Variants in LGALS1 observed in about 807,000 individuals in gnomAD.
LGALS1 encodes galectin-1.
A neutral mutation model predicts 14.4 loss-of-function variants in LGALS1; 14 were observed. The observed-to-expected ratio is 0.97, with a 90% CI of 0.64 to 1.52. The LOEUF (loss-of-function observed/expected upper bound fraction) is 1.52. LGALS1 is among the 40% of genes most tolerant of loss of function. The pLI, the probability that LGALS1 is intolerant of heterozygous loss-of-function variation, is 0.00. For missense variants in LGALS1, 170 were observed against 181.4 expected, an observed-to-expected ratio of 0.94 and a Z score of 0.36; for synonymous variants, 71 against 73.4, an observed-to-expected ratio of 0.97 and a Z score of 0.17.
chr22:37,678,555 C>A lies in LGALS1; in HGVS notation c.162C>A (p.Gly54=), dbSNP rs11539854. 1 of 1,613,620 alleles carries A rather than the reference C, an allele frequency of 6.2e-7. No individual in the cohort carries two copies. The highest frequency in any genetic ancestry group is 8.5e-7 in the Non-Finnish European group (1 of 1,180,020). The change falls in exon 3 of 4, where the codon GGC becomes GGA. Residue 54 remains glycine, a synonymous_variant. Coordinates refer to ENST00000215909, the MANE Select transcript of LGALS1 (RefSeq NM_002305.4). ...TCAACCCTCGCTTCAACGCCCACGG[C>A]GACGCCAACACCATCGTGTGCAACA... is the stretch of plus-strand genomic sequence containing the variant. The part of the protein sequence containing the change: ...LHFNPRFNAH[G]DANTIVCNSK...
At chr22:37,678,867 T>C (rs1921533181) in intron 3 of LGALS1, among the ~76,000 whole-genome samples, 1 of 152,192 alleles carries the variant, frequency 6.6e-6, no homozygotes, top group South Asian at 2.1e-4. Flanking sequence ...TGGTGGCTCA[T>C]GCCTGTAATC....
In LGALS1 at chr22:37,675,651, A is replaced by G. The variant is rs1468422057; in HGVS notation, c.-52A>G. 6.5e-7 allele frequency: 1 copy of G among 1,546,766 alleles called. No homozygotes were observed. The highest frequency in any genetic ancestry group is 1.4e-5 in the African/African-American group (1 of 72,846). On this transcript the variant is annotated 5_prime_UTR_variant, in exon 1 of 4. Transcript: ENST00000215909. Reference sequence around the variant, plus strand: ...CCGGGGGCCCATCTCTCTCGGGTGGAGTCTTCTGACAGCTGGTGCGCCTGC... The same window carrying G: ...CCGGGGGCCCATCTCTCTCGGGTGGGGTCTTCTGACAGCTGGTGCGCCTGC...
At chr22:37,679,276 C>T (rs1486259460) in intron 3 of LGALS1, among the ~76,000 whole-genome samples, 2 of 149,332 alleles carry the variant, frequency 1.3e-5, no homozygotes, top group African/African-American at 4.9e-5. Flanking sequence ...TATATAAATA[C>T]AAAAATTAGC....
intron 2 of LGALS1, among the ~76,000 whole-genome samples, chr22:37,678,158 C>G (rs1223206087): frequency 2.6e-5 from 4 of 152,166 alleles, no homozygotes; most frequent in African/African-American, 9.7e-5. Flanking sequence ...CCCACTTGTG[C>G]TGGGCACCGG....
rs1164972557 is a variant in LGALS1, at chr22:37,677,032, G to C, written c.56G>C (p.Arg19Pro). ...AATCTCAAACCTGGAGAGTGCCTTC[G>C]AGTGCGAGGCGAGGTGGCTCCTGAC... ...NLNLKPGECLRVRGEVAPDAK... is the reference protein window; with the variant it reads ...NLNLKPGECLPVRGEVAPDAK... The change falls in exon 2 of 4, where the codon CGA becomes CCA. Residue 19 changes from arginine to proline, a missense_variant. Physicochemically the swap from Arg to Pro is moderately radical, Grantham distance 103. Transcript: ENST00000215909. The C allele has an allele frequency of 6.2e-7, 1 of 1,614,110 alleles. No homozygotes were observed. The highest frequency in any genetic ancestry group is 8.5e-7 in the Non-Finnish European group (1 of 1,180,016).
chr22:37,675,716 G>A lies in LGALS1; in HGVS notation c.9+5G>A, dbSNP rs1359608202. ...CTGGACTCAATCATGGCTTGTGTGA[G>A]TGTGGGGACCCCCCCCCAAGGTCCA... On this transcript the variant is annotated splice_donor_5th_base_variant and intron_variant, in intron 1 of 3. Coordinates refer to ENST00000215909, the MANE Select transcript of LGALS1 (RefSeq NM_002305.4). The A allele has an allele frequency of 1.9e-6, 3 of 1,540,068 alleles. No homozygotes were observed. The highest frequency in any genetic ancestry group is 4.0e-5 in the Admixed American group (2 of 49,900).
chr22:37,678,701 G>A, intron 3 of LGALS1, 47 bp downstream of exon 3: 2 of 1,398,548 alleles, frequency 1.4e-6, no homozygotes, highest in East Asian at 2.5e-5. Context: ...GGCTGGGTGG[G>A]CTGGGGCGGG....
At position 37,679,618 on chromosome 22, in the gene LGALS1, G is replaced by A. The variant is rs767282651; in HGVS notation, c.277G>A (p.Asp93Asn). Residue 93 changes from aspartate (D) to asparagine (N), a missense_variant, in exon 4 of 4, where the codon GAC becomes AAC. Physicochemically the swap from Asp to Asn is conservative, Grantham distance 23. Coordinates refer to ENST00000215909, the MANE Select transcript of LGALS1 (RefSeq NM_002305.4). The stretch of plus-strand genomic sequence containing the variant: ...CTACCCCCAGGTGTGCATCACCTTC[G>A]ACCAGGCCAACCTGACCGTCAAGCT... Reference protein sequence around the residue: ...GSVAEVCITFDQANLTVKLPD... With the variant: ...GSVAEVCITFNQANLTVKLPD... 2.1e-5 allele frequency: 33 copies of A among 1,606,160 alleles called. No homozygotes were observed. Among genetic ancestry groups the A allele is most frequent in the African/African-American group, 4.0e-5 (3 of 74,634 alleles).
chr22:37,677,088 T>C, intron 2 of LGALS1, 23 bp downstream of exon 2: 1 of 1,611,584 alleles, frequency 6.2e-7, no homozygotes, highest in South Asian at 1.1e-5. Flanking sequence ...GTCGGGGTGG[T>C]GGGCGGCAGG....
intron 1 of LGALS1, chr22:37,675,977 C>G (rs987003395): frequency 7.9e-6 from 3 of 380,080 alleles, no homozygotes; most frequent in African/African-American, 6.3e-5. Context: ...CATTCTGCAG[C>G]TCTCTGAGAA....
Position 37,677,313 on chromosome 22 carries a change from T to A in LGALS1, c.89+248T>A, listed in dbSNP as rs1463544445. 6.0e-6 allele frequency: 3 copies of A among 500,190 alleles called. No individual in the cohort carries two copies. In the Middle Eastern group the frequency reaches 1.6e-3, roughly 271 times the overall value. The allele number at this position is 500,190 out of a possible 1,614,324, so 31.0% of individuals were successfully genotyped here. ...CCAGCTGCAGCCTCGTCATCTGTAA[T>A]ACCTTGACTCCCCCGCCCCCACCCC... is the stretch of plus-strand genomic sequence containing the variant. On this transcript the variant is annotated intron_variant, in intron 2 of 3. Transcript: ENST00000215909.
intron 1 of LGALS1, 105 bp downstream of exon 1, chr22:37,675,816 C>T: frequency 4.6e-6 from 5 of 1,082,154 alleles, no homozygotes; most frequent in Middle Eastern, 2.3e-4. Context: ...AGCTGTGTGG[C>T]CTGGAACCAG....
rs73424844 is a variant in LGALS1, at chr22:37,678,470, C to A, written c.90-13C>A. 6.2e-7 allele frequency: 1 copy of A among 1,613,268 alleles called. No homozygotes were observed. Among genetic ancestry groups the A allele is most frequent in the African/African-American group, 1.3e-5 (1 of 75,048 alleles). ...TGGCCGAGGTGGCCTCATGCCCACCCGTTACCCCCCAGCTTCGTGCTGAAC... is the reference window on the plus strand; with the variant it reads ...TGGCCGAGGTGGCCTCATGCCCACCAGTTACCCCCCAGCTTCGTGCTGAAC... On this transcript the variant is annotated splice_polypyrimidine_tract_variant and intron_variant, in intron 2 of 3. Coordinates refer to ENST00000215909, the MANE Select transcript of LGALS1 (RefSeq NM_002305.4).
intron 3 of LGALS1, among the ~76,000 whole-genome samples, 174 bp from the exon 4 acceptor site, chr22:37,679,429 C>CA (rs201131232): frequency 0.024 from 2,418 of 99,294 alleles, 64 homozygotes; most frequent in East Asian, 0.16. Flanking sequence ...GACTCCATCT[C>CA]AAAAAAAAAA....
At chr22:37,676,225 CG>C (rs71195036) in intron 1 of LGALS1, 25,866 of 66,540 alleles carry the variant, frequency 0.39, 3,669 homozygotes, top group African/African-American at 0.53. Context: ...AGGCTGGTGG[CG>C]GGGGGGGCGG....
At chr22:37,679,533 C>A in intron 3 of LGALS1, 70 bp from the exon 4 acceptor site, 1 of 1,396,812 alleles carries the variant, frequency 7.2e-7, no homozygotes, top group Non-Finnish European at 9.5e-7. Context: ...GTGTCAGGGC[C>A]ACATGAGGAA....
At position 37,676,869 on chromosome 22, in the gene LGALS1, T is replaced by A. The variant is rs9622681; in HGVS notation, c.10-117T>A. 9.1e-5 allele frequency: 87 copies of A among 959,064 alleles called. No individual in the cohort carries two copies. In the African/African-American group the frequency reaches 1.3e-3, roughly 15 times the overall value. The allele number at this position is 959,064 out of a possible 1,614,324, so 59.4% of individuals were successfully genotyped here. ...TCCTTTCCCCAGGCTTCCCCTTGGC[T>A]TGGTCAGAGGATGCCGGGCGGGAAC... is the stretch of plus-strand genomic sequence containing the variant. On this transcript the variant is annotated intron_variant, in intron 1 of 3. Coordinates refer to ENST00000215909, the MANE Select transcript of LGALS1 (RefSeq NM_002305.4).
Position 37,675,683 on chromosome 22 carries a change from A to G in LGALS1, c.-20A>G. On this transcript the variant is annotated 5_prime_UTR_variant, in exon 1 of 4. Transcript: ENST00000215909. ...TGACAGCTGGTGCGCCTGCCCGGGA[A>G]CATCCTCCTGGACTCAATCATGGCT... 6.5e-7 allele frequency: 1 copy of G among 1,549,660 alleles called. No individual in the cohort carries two copies. Among genetic ancestry groups the G allele is most frequent in the East Asian group, 2.4e-5 (1 of 40,984 alleles).
At chr22:37,676,706 A>C (rs2145788457) in intron 1 of LGALS1, 1 of 483,338 alleles carries the variant, frequency 2.1e-6, no homozygotes, top group African/African-American at 2.0e-5. Context: ...TTGAGTCCAA[A>C]ATTCCCAAGC....
Sources: gnomAD v4.1 joint callset for allele counts (sites outside exome capture counted in the v4.1 genomes callset) on GRCh38, gnomAD v4.1.1 for gene constraint, MANE v1.5 for transcripts, NCBI Gene and HGNC (gene_info 2026-07-23, HGNC 2026-07-21) for gene names.